Variants in PPARA observed in about 807,000 individuals in gnomAD.
PPARA encodes the protein peroxisome proliferator-activated receptor alpha.
Under a neutral mutation model 42.2 loss-of-function variants are expected in PPARA, and 22 were observed. The observed-to-expected ratio is 0.52, with a 90% CI of 0.37 to 0.74. PPARA has a LOEUF of 0.74. Among genes scored for constraint, PPARA ranks in the 30% least tolerant of loss-of-function variants. The probability of loss-of-function intolerance (pLI) is 0.00; values close to 1 mark genes in which losing one functional copy is unlikely to be tolerated. For missense variants in PPARA, 465 were observed against 608.2 expected (o/e 0.76, Z 2.48); for synonymous variants, 242 against 239.3 (o/e 1.01, Z -0.10).
rs1175486835 is a variant in PPARA, at chr22:46,193,910, G to A, written c.-42-4432G>A. On this transcript the variant is annotated intron_variant, in intron 3 of 8. Transcript: ENST00000407236. This position sits in a 1 kb window ranked among gnomAD's most constrained non-coding sequence, Gnocchi z 5.3. The stretch of plus-strand genomic sequence containing the variant: ...TGCCTTGATCCCCCCCAGAGCATTT[G>A]GGGCATAGGACACGGGAACTGGCCA... 6.6e-6 allele frequency among the ~76,000 whole-genome samples: 1 copy of A among 152,214 alleles called. No homozygotes were observed. The highest frequency in any genetic ancestry group is 2.4e-5 in the African/African-American group (1 of 41,444).
At chr22:46,228,100 C>T (rs148866221) in intron 7 of PPARA, among the ~76,000 whole-genome samples, 17 of 152,314 alleles carry the variant, frequency 1.1e-4, no homozygotes, top group African/African-American at 3.8e-4. Flanking sequence ...TCCTCATTTA[C>T]GAGAGTACAT....
Position 46,212,057 on chromosome 22 carries a change from C to T in PPARA, c.209-3116C>T, listed in dbSNP as rs907912988. ...TTTCTCTTTCCCTCTCCTCTCTTCT[C>T]CTCTCCTCTCCTTTGATGGAGGTCT... On this transcript the variant is annotated intron_variant, in intron 4 of 8. Transcript: ENST00000407236. This position sits in a 1 kb window ranked among gnomAD's most constrained non-coding sequence, Gnocchi z 4.2. Among the ~76,000 whole-genome samples, 29 of 150,162 alleles carry T rather than the reference C, an allele frequency of 1.9e-4. No homozygotes were observed. Among genetic ancestry groups the T allele is most frequent in the African/African-American group, 7.1e-4 (29 of 40,692 alleles).
chr22:46,169,852 T>C (rs1199325571), intron 2 of PPARA, among the ~76,000 whole-genome samples: 1 of 151,960 alleles, frequency 6.6e-6, no homozygotes, highest in Non-Finnish European at 1.5e-5. Flanking sequence ...AAAAGCCTCA[T>C]GTGTCACACA....
At position 46,221,494 on chromosome 22, in the gene PPARA, G is replaced by T. The variant is rs1934997929; in HGVS notation, c.711+1480G>T. 6.6e-6 allele frequency among the ~76,000 whole-genome samples: 1 copy of T among 152,186 alleles called. No homozygotes were observed. The highest frequency in any genetic ancestry group is 6.5e-5 in the Admixed American group (1 of 15,282). ...TTCAGTGAAAAGACAGTGACATCTT[G>T]GGGCTTAGAAAGGGCCACTTGTAAG... On this transcript the variant is annotated intron_variant, in intron 7 of 8. Transcript: ENST00000407236. The surrounding 1 kb of genome is among the most constrained non-coding windows in gnomAD (Gnocchi z 5.9).
In PPARA at chr22:46,225,546, TACAC is replaced by T. The variant is rs755840444; in HGVS notation, c.711+5538_711+5541del. Among the ~76,000 whole-genome samples, 22 of 151,704 alleles carry T rather than the reference TACAC, an allele frequency of 1.5e-4. No individual in the cohort carries two copies. Among genetic ancestry groups the T allele is most frequent in the Non-Finnish European group, 2.5e-4 (17 of 67,884 alleles). ...ACTCACACATCCGTGCACACACGGG[TACAC>T]ACACATACACGTGCACCCACATGCA... On this transcript the variant is annotated intron_variant, in intron 7 of 8. Transcript: ENST00000407236. The surrounding 1 kb of genome is among the most constrained non-coding windows in gnomAD (Gnocchi z 4.1).
At position 46,242,731 on chromosome 22, in the gene PPARA, G is replaced by GCGCGCGCGCGCACACA. The variant is rs10643430; in HGVS notation, c.*7352_*7353insGCGCGCGCGCACACAC. 7.5e-6 allele frequency: 1 copy of GCGCGCGCGCGCACACA among 132,700 alleles called. No homozygotes were observed. The highest frequency in any genetic ancestry group is 2.5e-5 in the African/African-American group (1 of 39,858). The allele number at this position is 132,700 out of a possible 1,614,324, so 8.2% of individuals were successfully genotyped here. ...AAATACACTGCGTACACGTGTGCGT[G>GCGCGCGCGCGCACACA]CACACACACACACACACACACACAC... On this transcript the variant is annotated 3_prime_UTR_variant, in exon 9 of 9. Coordinates refer to ENST00000407236, the MANE Select transcript of PPARA (RefSeq NM_005036.6). This position sits in a 1 kb window ranked among gnomAD's most constrained non-coding sequence, Gnocchi z 6.1.
In PPARA at chr22:46,167,639, G is replaced by C. The variant is rs147547648; in HGVS notation, c.-126-9114G>C. 2.4e-3 allele frequency among the ~76,000 whole-genome samples: 364 copies of C among 152,258 alleles called. 2 individuals carry two copies. The highest frequency in any genetic ancestry group is 4.3e-3 in the Non-Finnish European group (295 of 68,028). On this transcript the variant is annotated intron_variant, in intron 2 of 8. Coordinates refer to ENST00000407236, the MANE Select transcript of PPARA (RefSeq NM_005036.6). This position sits in a 1 kb window ranked among gnomAD's most constrained non-coding sequence, Gnocchi z 4.1. ...ACTGCACTCCAGACTGGGTGACAGAGAGACCGTGTGTTAAAAAAAGAGTTA... is the reference window on the plus strand; with the variant it reads ...ACTGCACTCCAGACTGGGTGACAGACAGACCGTGTGTTAAAAAAAGAGTTA...
At chr22:46,214,452 T>G (rs776014931) in intron 4 of PPARA, among the ~76,000 whole-genome samples, 1 of 148,528 alleles carries the variant, frequency 6.7e-6, no homozygotes, top group Non-Finnish European at 1.5e-5. Context: ...GATGCGTGGG[T>G]CCGGAGATGC....
intron 4 of PPARA, among the ~76,000 whole-genome samples, chr22:46,198,961 A>G (rs1353314270): frequency 6.6e-6 from 1 of 152,090 alleles, no homozygotes; most frequent in African/African-American, 2.4e-5. Context: ...GCCCGGCCGA[A>G]AACTGTTCTC....
intron 7 of PPARA, chr22:46,220,514 G>GT: frequency 5.2e-6 from 1 of 192,898 alleles, no homozygotes; most frequent in Non-Finnish European, 1.1e-5. Context: ...TTTTGTTTTT[G>GT]TTTTTTGGTA....
chr22:46,176,476 A>G (rs955720219), intron 2 of PPARA, among the ~76,000 whole-genome samples: 1 of 151,956 alleles, frequency 6.6e-6, no homozygotes, highest in Non-Finnish European at 1.5e-5. Flanking sequence ...ACAGAGTGAG[A>G]CTCCGTATCA....
Position 46,237,590 on chromosome 22 carries a change from T to G in PPARA, c.*2210T>G, listed in dbSNP as rs1430552109. 7.0e-6 allele frequency: 1 copy of G among 143,826 alleles called. No homozygotes were observed. The highest frequency in any genetic ancestry group is 2.7e-5 in the African/African-American group (1 of 37,276). The allele number at this position is 143,826 out of a possible 1,614,324, so 8.9% of individuals were successfully genotyped here. A position where few individuals can be genotyped will look rare whatever the true frequency, so the allele number is the denominator to read the frequency against. On this transcript the variant is annotated 3_prime_UTR_variant, in exon 9 of 9. Coordinates refer to ENST00000407236, the MANE Select transcript of PPARA (RefSeq NM_005036.6). The surrounding 1 kb of genome is among the most constrained non-coding windows in gnomAD (Gnocchi z 6.7). ...TCCAGCCTGGGTGACAGAGTTAGATTCCACCCTCTCCCACCCCGGCAAAAA... is the reference window on the plus strand; with the variant it reads ...TCCAGCCTGGGTGACAGAGTTAGATGCCACCCTCTCCCACCCCGGCAAAAA...
Position 46,233,886 on chromosome 22 carries a change from C to T in PPARA, c.1160-1247C>T, listed in dbSNP as rs935894169. Among the ~76,000 whole-genome samples the T allele has an allele frequency of 1.3e-5, 2 of 151,384 alleles. No individual in the cohort carries two copies. The highest frequency in any genetic ancestry group is 1.9e-4 in the East Asian group (1 of 5,146). On this transcript the variant is annotated intron_variant, in intron 8 of 8. Transcript: ENST00000407236. This position sits in a 1 kb window ranked among gnomAD's most constrained non-coding sequence, Gnocchi z 7.3. ...TCACCCTGGCTGGAGTGCAGTGGCA[C>T]GATCTCAGGTCACTGCAACTTCCGC...
chr22:46,203,079 T>C lies in PPARA; in HGVS notation c.208+4488T>C, dbSNP rs1443031740. Among the ~76,000 whole-genome samples the C allele has an allele frequency of 6.6e-6, 1 of 152,122 alleles. No individual in the cohort carries two copies. The highest frequency in any genetic ancestry group is 2.4e-5 in the African/African-American group (1 of 41,446). ...TGATAACCCATTTCTTATTTCCCCC[T>C]CAGCATTTCCTCACTGTTATTCATA... is the stretch of plus-strand genomic sequence containing the variant. On this transcript the variant is annotated intron_variant, in intron 4 of 8. Transcript: ENST00000407236. The surrounding 1 kb of genome is among the most constrained non-coding windows in gnomAD (Gnocchi z 5.8).
Position 46,236,990 on chromosome 22 carries a change from C to G in PPARA, c.*1610C>G, listed in dbSNP as rs994158624. 6.6e-6 allele frequency: 1 copy of G among 152,192 alleles called. No individual in the cohort carries two copies. Among genetic ancestry groups the G allele is most frequent in the Non-Finnish European group, 1.5e-5 (1 of 68,032 alleles). The allele number at this position is 152,192 out of a possible 1,614,324, so 9.4% of individuals were successfully genotyped here. A position where few individuals can be genotyped will look rare whatever the true frequency, so the allele number is the denominator to read the frequency against. ...ATATATGGACCTGGAAACACTTTCT[C>G]TCTCTGTCCACCTGGTAGATAAATT... On this transcript the variant is annotated 3_prime_UTR_variant, in exon 9 of 9. Transcript: ENST00000407236. This position sits in a 1 kb window ranked among gnomAD's most constrained non-coding sequence, Gnocchi z 5.2.
intron 6 of PPARA, 97 bp downstream of exon 6, chr22:46,218,498 A>G (rs1934701524): frequency 6.4e-7 from 1 of 1,562,246 alleles, no homozygotes; most frequent in Non-Finnish European, 8.8e-7. Flanking sequence ...ATGTGCTTCA[A>G]CATTTCACAC....
intron 2 of PPARA, among the ~76,000 whole-genome samples, chr22:46,157,848 T>A (rs1193169357): frequency 2.0e-5 from 3 of 152,200 alleles, no homozygotes; most frequent in African/African-American, 7.2e-5. Context: ...ATCGGAATGC[T>A]TTTATTTTGC....
Position 46,225,854 on chromosome 22 carries a change from C to A in PPARA, c.711+5840C>A, listed in dbSNP as rs111066974. The stretch of plus-strand genomic sequence containing the variant: ...ACCTCCACCCCCACACACGCACACA[C>A]ACACATGCACCCACACATGGATACA... On this transcript the variant is annotated intron_variant, in intron 7 of 8. Coordinates refer to ENST00000407236, the MANE Select transcript of PPARA (RefSeq NM_005036.6). The surrounding 1 kb of genome is among the most constrained non-coding windows in gnomAD (Gnocchi z 4.1). Among the ~76,000 whole-genome samples, 198 of 151,728 alleles carry A rather than the reference C, an allele frequency of 1.3e-3. No homozygotes were observed. The highest frequency in any genetic ancestry group is 4.5e-3 in the African/African-American group (186 of 41,330).
At chr22:46,175,468 C>T (rs990670283) in intron 2 of PPARA, among the ~76,000 whole-genome samples, 1 of 152,046 alleles carries the variant, frequency 6.6e-6, no homozygotes, top group African/African-American at 2.4e-5. Flanking sequence ...AATCCCAGCA[C>T]TTTGGGAGGC....
Sources: gnomAD v4.1 joint callset for allele counts (sites outside exome capture counted in the v4.1 genomes callset) on GRCh38, gnomAD v4.1.1 for gene constraint, Gnocchi (gnomAD v3.1) non-coding constraint, MANE v1.5 for transcripts, NCBI Gene and HGNC (gene_info 2026-07-23, HGNC 2026-07-21) for gene names.